Variants in RAB28 observed in about 807,000 individuals in gnomAD.
The protein encoded by RAB28 is ras-related protein Rab-28.
In RAB28, 24 loss-of-function variants were observed where a neutral mutation model predicts 31.7. The observed-to-expected ratio is 0.76, with a 90% CI of 0.55 to 1.06. The LOEUF is 1.06. Among genes scored for constraint, RAB28 ranks in the 50% least tolerant of loss-of-function variants. The pLI is 0.00. For missense variants in RAB28, 254 were observed against 258.5 expected, an observed-to-expected ratio of 0.98 and a Z score of 0.12; for synonymous variants, 100 against 90.4, an observed-to-expected ratio of 1.11 and a Z score of -0.60.
chr4:13,483,323 T>G (rs1023349788), intron 1 of RAB28, among the ~76,000 whole-genome samples: 8 of 152,176 alleles, frequency 5.3e-5, no homozygotes, highest in African/African-American at 1.9e-4. Context: ...GGATCCCTTT[T>G]GTCACGCAAG....
At position 13,467,067 on chromosome 4, in the gene RAB28, G is replaced by A. The variant is rs563211582; in HGVS notation, c.262-6239C>T. 4.0e-5 allele frequency among the ~76,000 whole-genome samples: 6 copies of A among 151,790 alleles called. No individual in the cohort carries two copies. In the East Asian group the frequency reaches 1.2e-3, roughly 29 times the overall value. ...ATAGTCAAAGGGTACAAAATCTCAG[G>A]AGATATAAAGATTTTTTTTTGAGAA... On this transcript the variant is annotated intron_variant, in intron 3 of 6. Transcript: ENST00000330852.
At chr4:13,399,556 T>A (rs992743080) in intron 4 of RAB28, among the ~76,000 whole-genome samples, 1 of 152,206 alleles carries the variant, frequency 6.6e-6, no homozygotes, top group Admixed American at 6.5e-5. Context: ...CATCTAGTAG[T>A]GACTATGAGT....
chr4:13,401,302 T>G (rs1273916075), intron 4 of RAB28, among the ~76,000 whole-genome samples: 2 of 152,160 alleles, frequency 1.3e-5, no homozygotes, highest in Non-Finnish European at 2.9e-5. Flanking sequence ...TTAGTTTGTG[T>G]CTTTAAAGGA....
intron 4 of RAB28, among the ~76,000 whole-genome samples, chr4:13,429,371 A>C (rs1713682218): frequency 6.6e-6 from 1 of 152,216 alleles, no homozygotes; most frequent in Non-Finnish European, 1.5e-5. Flanking sequence ...GGTCTTATAT[A>C]TTGAAAATCT....
In RAB28 at chr4:13,484,073, G is replaced by A. The variant is rs200024416; in HGVS notation, c.75+3C>T. ...GGGACGGCGGGCCTGCTCGAGGACT[G>A]ACCTTCCCGGAGGCGCCGTCCCCCA... On this transcript the variant is annotated splice_donor_region_variant and intron_variant, in intron 1 of 6. Transcript: ENST00000330852. The A allele has an allele frequency of 1.1e-5, 18 of 1,594,270 alleles. No individual in the cohort carries two copies. The African/African-American group carries it at 2.0e-4, about 18-fold the overall frequency.
chr4:13,370,965 A>T (rs1459221311), intron 6 of RAB28: 1 of 982,048 alleles, frequency 1.0e-6, no homozygotes, highest in Non-Finnish European at 1.2e-6. Flanking sequence ...AATATTTTAG[A>T]TTTAAACCTA....
At chr4:13,467,556 C>A (rs1715919577) in intron 3 of RAB28, among the ~76,000 whole-genome samples, 1 of 151,790 alleles carries the variant, frequency 6.6e-6, no homozygotes, top group African/African-American at 2.4e-5. Context: ...GAGGGACTTG[C>A]ACTACACATG....
intron 6 of RAB28, chr4:13,370,347 G>T: frequency 1.1e-6 from 1 of 948,756 alleles, no homozygotes; most frequent in Non-Finnish European, 1.3e-6. Context: ...CTATGTTAAA[G>T]TGCAATAAAA....
intron 4 of RAB28, among the ~76,000 whole-genome samples, chr4:13,412,492 G>C (rs1232202827): frequency 6.6e-6 from 1 of 151,980 alleles, no homozygotes; most frequent in Non-Finnish European, 1.5e-5. Flanking sequence ...TCTTAACCTA[G>C]AACATGGCCT....
intron 4 of RAB28, among the ~76,000 whole-genome samples, chr4:13,421,438 G>A (rs890134455): frequency 3.9e-5 from 6 of 152,096 alleles, no homozygotes; most frequent in Non-Finnish European, 7.4e-5. Flanking sequence ...AAAAGAGCCT[G>A]CATTGCCAAG....
At chr4:13,441,051 T>TA (rs201024865) in intron 4 of RAB28, among the ~76,000 whole-genome samples, 2,552 of 152,190 alleles carry the variant, frequency 0.017, 68 homozygotes, top group African/African-American at 0.058. Context: ...AAATCCTTGA[T>TA]TTTTTCCCTC....
intron 4 of RAB28, among the ~76,000 whole-genome samples, chr4:13,417,605 A>G (rs1712865626): frequency 6.6e-6 from 1 of 152,208 alleles, no homozygotes; most frequent in African/African-American, 2.4e-5. Flanking sequence ...CCAAGCAAAC[A>G]GGGTCTGGAG....
chr4:13,477,736 A>T (rs955300491), intron 2 of RAB28, among the ~76,000 whole-genome samples: 24 of 151,444 alleles, frequency 1.6e-4, no homozygotes, highest in African/African-American at 5.8e-4. Context: ...ATTAGTATAC[A>T]TGCCCTAATG....
At chr4:13,438,598 T>C (rs1027213717) in intron 4 of RAB28, among the ~76,000 whole-genome samples, 3 of 152,236 alleles carry the variant, frequency 2.0e-5, no homozygotes, top group Middle Eastern at 3.2e-3. Context: ...TGTTATAGCA[T>C]GTATCAGTAT....
At chr4:13,428,603 C>G (rs1290410772) in intron 4 of RAB28, among the ~76,000 whole-genome samples, 3 of 151,936 alleles carry the variant, frequency 2.0e-5, no homozygotes, top group Admixed American at 1.3e-4. Context: ...GAAGATAGAT[C>G]GGTTGAGATT....
At chr4:13,410,989 T>C (rs1462508945) in intron 4 of RAB28, among the ~76,000 whole-genome samples, 1 of 151,950 alleles carries the variant, frequency 6.6e-6, no homozygotes, top group Admixed American at 6.6e-5. Context: ...TAAAGACGGA[T>C]AAAAGCCATC....
chr4:13,462,959 T>C (rs1271087431), intron 3 of RAB28, among the ~76,000 whole-genome samples: 1 of 152,226 alleles, frequency 6.6e-6, no homozygotes, highest in African/African-American at 2.4e-5. Context: ...GGAACTCAGG[T>C]TGCTGTTGGA....
rs1396006996 is a variant in RAB28 at position 13,367,963 on chromosome 4, C to T, written c.*595G>A. ...ATATCAAATATTACTTTGTGAGTTA[C>T]AAACTACAATATAAACAATTTAGGC... On this transcript the variant is annotated 3_prime_UTR_variant, in exon 7 of 7. Coordinates refer to ENST00000330852, the MANE Select transcript of RAB28 (RefSeq NM_001017979.3). 5 of 973,122 alleles carry T rather than the reference C, an allele frequency of 5.1e-6. No homozygotes were observed. In the East Asian group the frequency reaches 3.4e-4, roughly 67 times the overall value. The allele number at this position is 973,122 out of a possible 1,614,324, so 60.3% of individuals were successfully genotyped here.
chr4:13,456,154 C>T (rs1201312815), intron 4 of RAB28, among the ~76,000 whole-genome samples: 1 of 152,094 alleles, frequency 6.6e-6, no homozygotes, highest in Admixed American at 6.5e-5. Flanking sequence ...AACAGATTCT[C>T]AAAAATGTTC....
Sources: allele counts gnomAD v4.1 joint callset (sites outside exome capture counted in the v4.1 genomes callset), GRCh38; gene constraint gnomAD v4.1.1; transcripts MANE v1.5; gene names NCBI Gene and HGNC (gene_info 2026-07-23, HGNC 2026-07-21).